The following MID1 variants were observed in gnomAD, a reference collection of about 807,000 sequenced individuals.
MID1 encodes E3 ubiquitin-protein ligase Midline-1.
MID1 carries 7 observed loss-of-function variants against 40.4 expected under a neutral mutation model. The ratio of observed to expected loss-of-function variants is 0.17; its 90% confidence interval spans 0.10 to 0.33. The LOEUF (loss-of-function observed/expected upper bound fraction) is 0.33. Ranked by LOEUF, MID1 falls within the 10% of genes least tolerant of loss-of-function variation. The pLI is 1.00. For synonymous variants in MID1, 229 were observed against 221.2 expected (o/e 1.04, Z -0.31); for missense variants, 367 against 558.5 (o/e 0.66, Z 3.46).
At chrX:10,770,418 G>A (rs5978420) in intron 1 of MID1, among the ~76,000 whole-genome samples, 1,326 of 112,131 alleles carry the variant, frequency 0.012, 18 homozygotes, top group African/African-American at 0.042. Context: ...GGGGACTGAG[G>A]TCATTTGCAC....
chrX:10,755,389 C>T (rs2043626710), intron 1 of MID1, among the ~76,000 whole-genome samples: 1 of 111,110 alleles, frequency 9.0e-6, no homozygotes, highest in African/African-American at 3.3e-5. Context: ...AGTAACTAAC[C>T]TGGCAATGAG....
intron 1 of MID1, among the ~76,000 whole-genome samples, chrX:10,570,099 A>G (rs1007897584): frequency 3.6e-5 from 4 of 112,016 alleles, no homozygotes; most frequent in African/African-American, 9.8e-5. Context: ...GAAATTCACC[A>G]GAATAAACCA....
At chrX:10,825,975 C>T (rs747422454) in intron 1 of MID1, among the ~76,000 whole-genome samples, 6 of 111,325 alleles carry the variant, frequency 5.4e-5, no homozygotes, top group Non-Finnish European at 5.7e-5. Context: ...GTGTTTATGA[C>T]CTAATTTTTA....
chrX:10,808,282 C>A (rs940242241), intron 1 of MID1, among the ~76,000 whole-genome samples: 1 of 111,699 alleles, frequency 9.0e-6, no homozygotes, highest in African/African-American at 3.3e-5. Flanking sequence ...ATCTGATAAC[C>A]ATTGAATCTC....
chrX:10,738,533 C>A (rs1432849117), intron 1 of MID1, among the ~76,000 whole-genome samples: 1 of 111,982 alleles, frequency 8.9e-6, no homozygotes, highest in Non-Finnish European at 1.9e-5. Flanking sequence ...TCAGGTTTAG[C>A]AAATACACAT....
At chrX:10,450,845 A>G (rs1429386954) in intron 9 of MID1, among the ~76,000 whole-genome samples, 1 of 112,207 alleles carries the variant, frequency 8.9e-6, no homozygotes, top group Non-Finnish European at 1.9e-5. Flanking sequence ...TATTTCAGTT[A>G]TTAAGATAAA....
In MID1 at chrX:10,748,768, G is replaced by A. The variant is rs141450784; in HGVS notation, c.-187+84786C>T. ...TACTGTGTGCAGTAGATAATGGGTTGTAAGCTAAACAGGGGTCTGACCTCT... is the reference window on the plus strand; with the variant it reads ...TACTGTGTGCAGTAGATAATGGGTTATAAGCTAAACAGGGGTCTGACCTCT... On this transcript the variant is annotated intron_variant, in intron 1 of 10. Coordinates refer to the MID1 transcript ENST00000380785. Among the ~76,000 whole-genome samples, 21 of 111,914 alleles carry A rather than the reference G, an allele frequency of 1.9e-4. No homozygotes were observed. In the East Asian group the frequency reaches 5.6e-3, roughly 30 times the overall value.
At chrX:10,642,385 C>A (rs1438167474) in intron 1 of MID1, among the ~76,000 whole-genome samples, 2 of 109,700 alleles carry the variant, frequency 1.8e-5, no homozygotes, top group Non-Finnish European at 3.8e-5. Context: ...AGACAGAGAG[C>A]CAAATCATGA....
At chrX:10,715,420 T>C (rs1160291825) in intron 1 of MID1, among the ~76,000 whole-genome samples, 2 of 111,721 alleles carry the variant, frequency 1.8e-5, no homozygotes, top group Non-Finnish European at 3.8e-5. Context: ...GCTCGGAGGG[T>C]CCTACGCCCA....
intron 2 of MID1, among the ~76,000 whole-genome samples, chrX:10,543,080 G>A (rs1364773898): frequency 1.8e-5 from 2 of 112,193 alleles, no homozygotes; most frequent in African/African-American, 6.5e-5. Context: ...TTGACCATGA[G>A]ATAAATCTCA....
chrX:10,661,039 C>A (rs2042908104), intron 1 of MID1, among the ~76,000 whole-genome samples: 1 of 111,561 alleles, frequency 9.0e-6, no homozygotes, highest in African/African-American at 3.3e-5. Flanking sequence ...TAGGGCAATG[C>A]TTGTTTACAC....
chrX:10,644,067 A>G (rs1936235269), intron 1 of MID1, among the ~76,000 whole-genome samples: 1 of 111,330 alleles, frequency 9.0e-6, no homozygotes, highest in Non-Finnish European at 1.9e-5. Context: ...TAATGAGTTA[A>G]TGGGTGCAGC....
In MID1 at chrX:10,455,073, T is replaced by G; in HGVS notation, c.1452A>C (p.Gln484His). ...SEPGKLKTNS[Q>H]PFKLDPKSAH... ...CAGATTTGGGATCCAGTTTAAATGGTTGGCCTGAAAACAAATTCACAAAAC... is the reference window on the plus strand; with the variant it reads ...CAGATTTGGGATCCAGTTTAAATGGGTGGCCTGAAAACAAATTCACAAAAC... Residue 484 changes from glutamine to histidine, a missense_variant, in exon 9 of 10, where the codon CAA becomes CAC. By Grantham distance (24) the Gln-to-His change is conservative. This residue lies in a region of MID1 where 275 missense variants were observed against 383.1 expected (regional missense o/e 0.72). Transcript: ENST00000317552. The G allele has an allele frequency of 8.3e-7, 1 of 1,205,862 alleles. No homozygotes were observed. The highest frequency in any genetic ancestry group is 1.1e-6 in the Non-Finnish European group (1 of 890,303).
At chrX:10,788,632 G>A (rs1421718817) in intron 1 of MID1, among the ~76,000 whole-genome samples, 2 of 110,846 alleles carry the variant, frequency 1.8e-5, no homozygotes, top group Non-Finnish European at 3.8e-5. Flanking sequence ...GCCACCCAGG[G>A]ATTTTCAGCA....
intron 1 of MID1, among the ~76,000 whole-genome samples, chrX:10,806,752 T>C (rs1330982074): frequency 1.8e-5 from 2 of 112,131 alleles, no homozygotes; most frequent in Admixed American, 9.5e-5. Context: ...TTTAGAAACA[T>C]ATAAACAACT....
In MID1 at chrX:10,789,437, G is replaced by A. The variant is rs73491027; in HGVS notation, c.-187+44117C>T. 8.8e-3 allele frequency among the ~76,000 whole-genome samples: 988 copies of A among 111,825 alleles called. 12 individuals are homozygous for A. The highest frequency in any genetic ancestry group is 0.031 in the African/African-American group (950 of 30,699). The stretch of plus-strand genomic sequence containing the variant: ...ATTACAATAGAGCTGCCCTTTACAG[G>A]TGTACCATTTTTAATCTTATATACC... On this transcript the variant is annotated intron_variant, in intron 1 of 10. Coordinates refer to the MID1 transcript ENST00000380785.
At chrX:10,636,785 G>GATATATATATGTATAT (rs1936118522) in intron 1 of MID1, among the ~76,000 whole-genome samples, 1 of 42,719 alleles carries the variant, frequency 2.3e-5, no homozygotes, top group African/African-American at 1.2e-4. Flanking sequence ...CAACAATGGG[G>GATATATATATGTATAT]ATATATATAT....
intron 1 of MID1, among the ~76,000 whole-genome samples, chrX:10,738,081 G>A (rs1053920124): frequency 1.8e-5 from 2 of 111,389 alleles, no homozygotes; most frequent in Admixed American, 9.5e-5. Context: ...TGGTCCTCTC[G>A]AGAAATGCAA....
In MID1 at chrX:10,562,789, T is replaced by C. The variant is rs1415043065; in HGVS notation, c.660+4099A>G. ...ATAGTTATTATTGCTATGTTTGTTG[T>C]CATCTCTTGCCTGCAGAATGAAATA... On this transcript the variant is annotated intron_variant, in intron 2 of 9. Transcript: ENST00000317552. Among the ~76,000 whole-genome samples, 5 of 106,712 alleles carry C rather than the reference T, an allele frequency of 4.7e-5. 1 individual carries two copies. Among genetic ancestry groups the C allele is most frequent in the Non-Finnish European group, 9.5e-5 (5 of 52,719 alleles). 92.7% of individuals were successfully genotyped at this position (106,712 alleles called of 115,157 possible).
Sources: allele counts gnomAD v4.1 joint callset (sites outside exome capture counted in the v4.1 genomes callset), GRCh38; gene constraint gnomAD v4.1.1; regional missense constraint gnomAD v4.1.1; transcripts MANE v1.5; gene names NCBI Gene and HGNC (gene_info 2026-07-23, HGNC 2026-07-21).